Variants in ADGRG5 observed in about 807,000 individuals in gnomAD.
ADGRG5 encodes adhesion G protein-coupled receptor G5, also known as G protein-coupled receptor 114.
ADGRG5 carries 37 observed loss-of-function variants against 53.2 expected under a neutral mutation model. That is an observed-to-expected ratio of 0.70 (90% CI 0.53 to 0.91). ADGRG5 has a LOEUF of 0.91. Among genes scored for constraint, ADGRG5 ranks in the 40% least tolerant of loss-of-function variants. ADGRG5 has a pLI of 0.00. For missense variants in ADGRG5, 614 were observed against 675.8 expected, an observed-to-expected ratio of 0.91 and a Z score of 1.01; for synonymous variants, 277 against 290.4, an observed-to-expected ratio of 0.95 and a Z score of 0.47.
intron 10 of ADGRG5, among the ~76,000 whole-genome samples, chr16:57,570,843 G>A (rs760293110): frequency 6.6e-6 from 1 of 152,184 alleles, no homozygotes; most frequent in African/African-American, 2.4e-5. Flanking sequence ...CCCAGGCCCT[G>A]AGGGTCTGGC....
intron 10 of ADGRG5, among the ~76,000 whole-genome samples, chr16:57,571,833 C>T (rs1473551023): frequency 6.6e-6 from 1 of 151,796 alleles, no homozygotes; most frequent in Non-Finnish European, 1.5e-5. Context: ...TTAGTAGAGA[C>T]AGAGTTTCAG....
intron 6 of ADGRG5, chr16:57,566,375 C>T (rs2033130472): frequency 2.4e-6 from 1 of 410,534 alleles, no homozygotes; most frequent in Non-Finnish European, 4.3e-6. Context: ...CTGTAGATGA[C>T]TAAACTGAGG....
rs568158501 is a variant in ADGRG5, at chr16:57,544,970, G to T, written c.-39+2269G>T. Among the ~76,000 whole-genome samples, 162 of 152,050 alleles carry T rather than the reference G, an allele frequency of 1.1e-3. 1 individual carries two copies. Among genetic ancestry groups the T allele is most frequent in the Non-Finnish European group, 2.9e-4 (20 of 67,966 alleles). The stretch of plus-strand genomic sequence containing the variant: ...TAATGTTTAATTTTGTAGAGATGGG[G>T]TCTCCCTATGTTACTCTGGCTGGTC... On this transcript the variant is annotated intron_variant, in intron 1 of 11. Transcript: ENST00000349457.
the ADGRG5 span, among the ~76,000 whole-genome samples, chr16:57,532,609 C>G: frequency 6.6e-6 from 1 of 152,130 alleles, no homozygotes; most frequent in African/African-American, 2.4e-5. Flanking sequence ...CCTGTAGACA[C>G]AGACACGCCT....
chr16:57,560,782 A>ATTTTTAT (rs1449011733), intron 1 of ADGRG5, among the ~76,000 whole-genome samples: 4 of 151,996 alleles, frequency 2.6e-5, no homozygotes, highest in Non-Finnish European at 5.9e-5. Context: ...CTCTGTTTTT[A>ATTTTTAT]TTTTTATTTT....
rs1280932049 is a variant in ADGRG5 at position 57,562,111 on chromosome 16, C to T, written c.18C>T (p.Ala6=). ...CACAGGGCATGGATCACTGTGGTGC[C>T]CTTTTCCTGTGCCTGTGCCTTCTGA... MDHCG[A]LFLCLCLLTL... The change falls in exon 2 of 12, where the codon GCC becomes GCT. Residue 6 remains alanine, a synonymous_variant. Coordinates refer to ENST00000349457, the MANE Select transcript of ADGRG5 (RefSeq NM_001304376.3). The T allele has an allele frequency of 6.3e-7, 1 of 1,599,446 alleles. No homozygotes were observed. Among genetic ancestry groups the T allele is most frequent in the Admixed American group, 1.7e-5 (1 of 58,956 alleles).
intron 1 of ADGRG5, among the ~76,000 whole-genome samples, chr16:57,548,981 C>T (rs2032686932): frequency 6.6e-6 from 1 of 152,108 alleles, no homozygotes; most frequent in African/African-American, 2.4e-5. Flanking sequence ...ATTATTGGGT[C>T]ATATGATAGG....
intron 1 of ADGRG5, among the ~76,000 whole-genome samples, chr16:57,547,388 C>G (rs1041658839): frequency 5.3e-5 from 8 of 152,182 alleles, no homozygotes; most frequent in African/African-American, 1.9e-4. Flanking sequence ...TCAACCTGTC[C>G]TTTCCACTCA....
chr16:57,575,158 C>G (rs1345380731), intron 11 of ADGRG5, 66 bp downstream of exon 11: 80 of 1,529,912 alleles, frequency 5.2e-5, no homozygotes, highest in Non-Finnish European at 4.4e-6. Context: ...GGGATGTTCA[C>G]TGCTAAAGGG....
intron 1 of ADGRG5, among the ~76,000 whole-genome samples, chr16:57,553,599 G>A (rs1189384670): frequency 1.3e-5 from 2 of 152,190 alleles, no homozygotes; most frequent in African/African-American, 2.4e-5. Flanking sequence ...AGTGAGCCTT[G>A]AAATCAGGTA....
intron 9 of ADGRG5, among the ~76,000 whole-genome samples, chr16:57,569,696 C>A (rs117730416): frequency 0.018 from 2,786 of 151,088 alleles, 23 homozygotes; most frequent in Non-Finnish European, 0.03. Context: ...ACCATCATCA[C>A]CTCCTCCACC....
At chr16:57,547,672 C>T (rs1416536955) in intron 1 of ADGRG5, among the ~76,000 whole-genome samples, 1 of 152,158 alleles carries the variant, frequency 6.6e-6, no homozygotes, top group Non-Finnish European at 1.5e-5. Context: ...GTCTCAATCT[C>T]CTGACCTTGT....
chr16:57,558,715 G>A (rs1255939735), intron 1 of ADGRG5, among the ~76,000 whole-genome samples: 1 of 152,170 alleles, frequency 6.6e-6, no homozygotes, highest in Non-Finnish European at 1.5e-5. Flanking sequence ...ATTGGTTGGG[G>A]GATCTTGAGT....
At position 57,576,846 on chromosome 16, in the gene ADGRG5, G is replaced by C. The variant is rs1485687825; in HGVS notation, c.*1308G>C. 1.3e-5 allele frequency: 2 copies of C among 152,252 alleles called. No individual in the cohort carries two copies. Among genetic ancestry groups the C allele is most frequent in the African/African-American group, 4.8e-5 (2 of 41,458 alleles). 9.4% of individuals were successfully genotyped at this position (152,252 alleles called of 1,614,324 possible). ...GTGGGTGCTCAGGGCCCTGCCCCAG[G>C]CCACTGGGCCGTTTTGATGACCTCG... is the stretch of plus-strand genomic sequence containing the variant. On this transcript the variant is annotated 3_prime_UTR_variant, in exon 12 of 12. Transcript: ENST00000349457.
chr16:57,537,488 A>G, the ADGRG5 span, among the ~76,000 whole-genome samples: 2 of 152,248 alleles, frequency 1.3e-5, no homozygotes, highest in South Asian at 2.1e-4. Flanking sequence ...AAATGAACCA[A>G]GAATGAATCA....
chr16:57,562,145 A>G lies in ADGRG5; in HGVS notation c.52A>G (p.Asn18Asp). 1.2e-6 allele frequency: 2 copies of G among 1,602,282 alleles called. No individual in the cohort carries two copies. Among genetic ancestry groups the G allele is most frequent in the Non-Finnish European group, 1.7e-6 (2 of 1,171,802 alleles). Residue 18 changes from asparagine to aspartate, a missense_variant, in exon 2 of 12, where the codon AAT (asparagine) becomes GAT (aspartate). Coordinates refer to ENST00000349457, the MANE Select transcript of ADGRG5 (RefSeq NM_001304376.3). The part of the protein sequence containing the change: ...FLCLCLLTLQ[N>D]ATTETWEELL... ...GTGCCTGTGCCTTCTGACTTTGCAGAATGCAACAACAGGTAAGGGGGCTCT... is the reference window on the plus strand; with the variant it reads ...GTGCCTGTGCCTTCTGACTTTGCAGGATGCAACAACAGGTAAGGGGGCTCT...
Position 57,563,230 on chromosome 16 carries a change from C to A in ADGRG5, c.280C>A (p.Leu94Met), listed in dbSNP as rs762336700. 2.7e-5 allele frequency: 44 copies of A among 1,613,922 alleles called. No homozygotes were observed. The Admixed American group carries it at 7.2e-4, about 26-fold the overall frequency. ...TGGCCTCTCGCTGACCAGTGCCACT[C>A]TGAAGCGGGTGCCCCAGGTCAGAGG... ...FSGLSLTSAT[L>M]KRVPQAGGQH... Residue 94 changes from leucine (L) to methionine (M), a missense_variant, in exon 4 of 12, where the codon CTG becomes ATG. Transcript: ENST00000349457.
intron 6 of ADGRG5, 50 bp from the exon 7 acceptor site, chr16:57,566,549 T>A: frequency 7.2e-7 from 1 of 1,384,406 alleles, no homozygotes; most frequent in Non-Finnish European, 9.5e-7. Flanking sequence ...CAGACACTGA[T>A]CTGCAGCCTT....
At chr16:57,553,888 A>C (rs2032811019) in intron 1 of ADGRG5, among the ~76,000 whole-genome samples, 1 of 152,282 alleles carries the variant, frequency 6.6e-6, no homozygotes, top group Non-Finnish European at 1.5e-5. Context: ...TAGGATTGTT[A>C]TCATTACTTA....
Sources: allele counts gnomAD v4.1 joint callset (sites outside exome capture counted in the v4.1 genomes callset), GRCh38; gene constraint gnomAD v4.1.1; transcripts MANE v1.5; gene names NCBI Gene and HGNC (gene_info 2026-07-23, HGNC 2026-07-21).